The following THRA variants were observed in gnomAD, a reference collection of about 807,000 sequenced individuals.
THRA encodes thyroid hormone receptor alpha.
In THRA, 13 loss-of-function variants were observed where a neutral mutation model predicts 45.0. That is an observed-to-expected ratio of 0.29 (90% CI 0.19 to 0.46). The LOEUF is 0.46. THRA is among the 20% of genes least tolerant of loss of function. The pLI, the probability that THRA is intolerant of heterozygous loss-of-function variation, is 1.00. For synonymous variants in THRA, 195 were observed against 214.0 expected (o/e 0.91, Z 0.78); for missense variants, 278 against 556.1 (o/e 0.50, Z 5.03).
intron 4 of THRA, among the ~76,000 whole-genome samples, chr17:40,080,306 G>A (rs1203563160): frequency 6.6e-6 from 1 of 151,870 alleles, no homozygotes; most frequent in Non-Finnish European, 1.5e-5. Flanking sequence ...TCAGGCAGCT[G>A]AGGTAGGACG....
At chr17:40,085,166 TTA>T (rs1987279326) in intron 6 of THRA, among the ~76,000 whole-genome samples, 1 of 152,068 alleles carries the variant, frequency 6.6e-6, no homozygotes, top group African/African-American at 2.4e-5. Context: ...GTGCCAGGCA[TTA>T]TGTTAGGCCC....
intron 1 of THRA, 132 bp downstream of exon 1, chr17:40,063,224 C>T (rs1049862707): frequency 1.3e-5 from 2 of 152,290 alleles, no homozygotes; most frequent in African/African-American, 2.4e-5. Context: ...CAGCCTCAGC[C>T]TTTCCTGGCG....
chr17:40,078,528 A>C (rs990550264), intron 4 of THRA, among the ~76,000 whole-genome samples: 4 of 152,124 alleles, frequency 2.6e-5, no homozygotes, highest in Admixed American at 2.6e-4. Context: ...TGTGCATAAG[A>C]AGCATTTGAT....
intron 1 of THRA, among the ~76,000 whole-genome samples, chr17:40,068,645 G>A (rs1986656871): frequency 6.6e-6 from 1 of 152,198 alleles, no homozygotes; most frequent in East Asian, 1.9e-4. Context: ...TGTTTTGGGG[G>A]TGGGCATTAA....
chr17:40,088,827 C>T (rs952258396), intron 8 of THRA, among the ~76,000 whole-genome samples: 4 of 151,744 alleles, frequency 2.6e-5, no homozygotes, highest in African/African-American at 9.7e-5. Context: ...CCTCATCCCT[C>T]CTCTGTCTCC....
In THRA at chr17:40,069,783, A is replaced by G. The variant is rs192423061; in HGVS notation, c.-297-4409A>G. On this transcript the variant is annotated intron_variant, in intron 1 of 8. Transcript: ENST00000450525. Reference sequence around the variant, plus strand: ...TGGGCATGACCACCCACCAGTGGTCATGGGGGATGGATGTGACCTGGGAGG... The same window carrying G: ...TGGGCATGACCACCCACCAGTGGTCGTGGGGGATGGATGTGACCTGGGAGG... Among the ~76,000 whole-genome samples, 23 of 152,014 alleles carry G rather than the reference A, an allele frequency of 1.5e-4. No homozygotes were observed. The South Asian group carries it at 2.5e-3, about 16-fold the overall frequency.
rs1255163763 is a variant in THRA, at chr17:40,089,402, C to A, written c.1179C>A (p.Pro393=). The A allele has an allele frequency of 6.2e-7, 1 of 1,614,180 alleles. No homozygotes were observed. The highest frequency in any genetic ancestry group is 8.5e-7 in the Non-Finnish European group (1 of 1,180,026). ...TCCTCCACATGAAAGTCGAGTGCCCCACCGAACTCTTCCCCCCACTCTTCC... is the reference window on the plus strand; with the variant it reads ...TCCTCCACATGAAAGTCGAGTGCCCAACCGAACTCTTCCCCCCACTCTTCC... ...SRFLHMKVEC[P]TELFPPLFLE... The change falls in exon 9 of 9, where the codon CCC becomes CCA. Residue 393 remains proline (P), a synonymous_variant. Transcript: ENST00000450525. This position sits in a 1 kb window ranked among gnomAD's most constrained non-coding sequence, Gnocchi z 6.1.
Position 40,067,276 on chromosome 17 carries a change from A to G in THRA, c.-298+4184A>G, listed in dbSNP as rs75502557. ...CACCCCACCAGCTAGGGGCACCTGCATAAATCTTTGGGCATCACTGCATCT... is the reference window on the plus strand; with the variant it reads ...CACCCCACCAGCTAGGGGCACCTGCGTAAATCTTTGGGCATCACTGCATCT... On this transcript the variant is annotated intron_variant, in intron 1 of 8. Coordinates refer to ENST00000450525, the MANE Select transcript of THRA (RefSeq NM_199334.5). Among the ~76,000 whole-genome samples the G allele has an allele frequency of 6.8e-3, 1,031 of 152,304 alleles. 16 individuals carry two copies. Among genetic ancestry groups the G allele is most frequent in the African/African-American group, 0.024 (1,001 of 41,564 alleles).
At chr17:40,071,076 C>G (rs1986758860) in intron 1 of THRA, among the ~76,000 whole-genome samples, 2 of 151,768 alleles carry the variant, frequency 1.3e-5, no homozygotes, top group African/African-American at 4.8e-5. Context: ...TCCCTTCTTC[C>G]CTCTTTCCCC....
chr17:40,081,111 G>A (rs1342915778), intron 4 of THRA, among the ~76,000 whole-genome samples: 10 of 152,068 alleles, frequency 6.6e-5, no homozygotes, highest in Non-Finnish European at 1.3e-4. Flanking sequence ...GCTGCCCACC[G>A]GCCACATGAC....
In THRA at chr17:40,083,749, C is replaced by A. The variant is rs1987226442; in HGVS notation, c.223-86C>A. ...CTGATCTTGCCTTCCTTGCTCTCCA[C>A]CCCTGACCCCTAGTAAACTGCATGG... is the stretch of plus-strand genomic sequence containing the variant. On this transcript the variant is annotated intron_variant, in intron 4 of 8. Transcript: ENST00000450525. The A allele has an allele frequency of 2.7e-6, 4 of 1,494,846 alleles. No homozygotes were observed. The Admixed American group carries it at 8.5e-5, about 32-fold the overall frequency. The allele number at this position is 1,494,846 out of a possible 1,614,324, so 92.6% of individuals were successfully genotyped here.
chr17:40,064,618 C>A (rs141102337), intron 1 of THRA, among the ~76,000 whole-genome samples: 96 of 152,310 alleles, frequency 6.3e-4, no homozygotes, highest in African/African-American at 2.2e-3. Flanking sequence ...AGTGTTCCTG[C>A]GTAATGGTGT....
At chr17:40,085,328 C>T (rs1893249633) in intron 6 of THRA, among the ~76,000 whole-genome samples, 1 of 152,090 alleles carries the variant, frequency 6.6e-6, no homozygotes, top group African/African-American at 2.4e-5. Context: ...GAGATCCCAC[C>T]TCTATGAATA....
At chr17:40,080,717 C>CTT (rs755937821) in intron 4 of THRA, among the ~76,000 whole-genome samples, 30 of 99,266 alleles carry the variant, frequency 3.0e-4, no homozygotes, top group Non-Finnish European at 5.2e-4. Flanking sequence ...CCTTTGGTGA[C>CTT]TTTTTTTTTT....
chr17:40,069,977 TTCTGTC>T (rs1212203133), intron 1 of THRA, among the ~76,000 whole-genome samples: 1 of 151,516 alleles, frequency 6.6e-6, no homozygotes, highest in Non-Finnish European at 1.5e-5. Flanking sequence ...GTTTATGTCT[TTCTGTC>T]TCTGACCTGC....
intron 7 of THRA, chr17:40,087,072 CCTAGCATACAGATACGTACACAG>C: frequency 1.7e-6 from 1 of 573,894 alleles, no homozygotes. Flanking sequence ...CACACACACA[CCTAGCATACAGATACGTACACAG>C]ACACACATAC....
intron 4 of THRA, among the ~76,000 whole-genome samples, chr17:40,082,035 T>C (rs1833272781): frequency 6.6e-6 from 1 of 152,086 alleles, no homozygotes; most frequent in African/African-American, 2.4e-5. Context: ...GAAATTTTTC[T>C]CTTCCCCTAC....
rs569933405 is a variant in THRA at position 40,083,373 on chromosome 17, C to G, written c.223-462C>G. On this transcript the variant is annotated intron_variant, in intron 4 of 8. Transcript: ENST00000450525. The stretch of plus-strand genomic sequence containing the variant: ...TGAGCCACTGCACCCAACCTCATGC[C>G]CGGCTAATTTTCTATTTTTAGTAGA... Among the ~76,000 whole-genome samples the G allele has an allele frequency of 3.9e-5, 6 of 152,202 alleles. No individual in the cohort carries two copies. The East Asian group carries it at 9.7e-4, about 25-fold the overall frequency.
chr17:40,075,420 C>T (rs1050847597), intron 2 of THRA, among the ~76,000 whole-genome samples: 7 of 152,176 alleles, frequency 4.6e-5, no homozygotes, highest in Admixed American at 1.3e-4. Context: ...AACTGGGTCC[C>T]TGGAGGGTAG....
Sources: gnomAD v4.1 joint callset for allele counts (sites outside exome capture counted in the v4.1 genomes callset) on GRCh38, gnomAD v4.1.1 for gene constraint, Gnocchi (gnomAD v3.1) non-coding constraint, MANE v1.5 for transcripts, NCBI Gene and HGNC (gene_info 2026-07-23, HGNC 2026-07-21) for gene names.